The following CHD8 variants were observed in gnomAD, a reference collection of about 807,000 sequenced individuals.
CHD8 encodes chromodomain helicase DNA binding protein 8, also known as ATP-dependent chromatin remodeler CHD8.
CHD8 carries 31 observed loss-of-function variants against 279.2 expected under a neutral mutation model. The ratio of observed to expected loss-of-function variants is 0.11; its 90% CI spans 0.08 to 0.15. The LOEUF (loss-of-function observed/expected upper bound fraction) is 0.15. Ranked by LOEUF, CHD8 falls within the 10% of genes least tolerant of loss-of-function variation. The pLI is 1.00. For synonymous variants in CHD8, 1,081 were observed against 1,139.6 expected, an observed-to-expected ratio of 0.95 and a Z score of 1.04; for missense variants, 2,146 against 3,230.5, an observed-to-expected ratio of 0.66 and a Z score of 8.14.
chr14:21,395,385 C>T (rs913089861), intron 28 of CHD8, 33 bp from the exon 29 acceptor site: 9 of 1,531,974 alleles, frequency 5.9e-6, no homozygotes, highest in African/African-American at 2.7e-5. Context: ...TAGGATGGAG[C>T]GGGGAGGGAA....
intron 1 of CHD8, among the ~76,000 whole-genome samples, chr14:21,448,587 G>A (rs1890181187): frequency 6.6e-6 from 1 of 151,754 alleles, no homozygotes; most frequent in Non-Finnish European, 1.5e-5. Context: ...TTGAGACACC[G>A]TCTTAGTCAC....
At position 21,399,965 on chromosome 14, in the gene CHD8, T is replaced by C. The variant is rs74696621; in HGVS notation, c.4817+16A>G. On this transcript the variant is annotated intron_variant, in intron 25 of 37. Transcript: ENST00000646647. ...TAAGGTAGGGCATAAATCAAAAAAA[T>C]ATAGCAGAATTTTACCTGGCAATCG... 12 of 1,605,614 alleles carry C rather than the reference T, an allele frequency of 7.5e-6. No individual in the cohort carries two copies. The highest frequency in any genetic ancestry group is 2.2e-5 in the South Asian group (2 of 90,894).
In CHD8 at chr14:21,393,157, G is replaced by A; in HGVS notation, c.6417C>T (p.Thr2139=). Residue 2139 remains threonine (T), a synonymous_variant, in exon 33 of 38, where the codon ACC becomes ACT. Coordinates refer to ENST00000646647, the MANE Select transcript of CHD8 (RefSeq NM_001170629.2). ...TTTCCTGCAGTAGCAGAAGCTCAGGGGTCATTTGTTCTCCATCTTCATTTG... is the reference window on the plus strand; with the variant it reads ...TTTCCTGCAGTAGCAGAAGCTCAGGAGTCATTTGTTCTCCATCTTCATTTG... ...GFPNEDGEQM[T]PELLLLQERQ... is the part of the protein sequence containing the mutation. The A allele has an allele frequency of 6.2e-7, 1 of 1,613,910 alleles. No homozygotes were observed. The highest frequency in any genetic ancestry group is 1.3e-5 in the African/African-American group (1 of 75,028).
intron 3 of CHD8, 124 bp downstream of exon 3, chr14:21,428,840 A>G: frequency 1.3e-6 from 1 of 770,468 alleles, no homozygotes; most frequent in East Asian, 2.7e-5. Flanking sequence ...TTAAGTCTGC[A>G]CCTCAGTTCA....
Position 21,428,075 on chromosome 14 carries a change from T to C in CHD8, c.1395A>G (p.Val465=), listed in dbSNP as rs377698432. The stretch of plus-strand genomic sequence containing the variant: ...CACGGGCTCTCGCAATGGCCTCTGC[T>C]ACAATCCGATTTGCTTTCTCTTGCT... ...QKKQEKANRI[V]AEAIARARAR... Residue 465 remains valine (V), a synonymous_variant, in exon 4 of 38, where the codon GTA becomes GTG. Coordinates refer to ENST00000646647, the MANE Select transcript of CHD8 (RefSeq NM_001170629.2). 157 of 1,613,950 alleles carry C rather than the reference T, an allele frequency of 9.7e-5. No homozygotes were observed. The highest frequency in any genetic ancestry group is 1.3e-4 in the Non-Finnish European group (150 of 1,179,918).
chr14:21,386,832 G>A (rs1203048050), intron 37 of CHD8, among the ~76,000 whole-genome samples: 3 of 115,266 alleles, frequency 2.6e-5, no homozygotes, highest in East Asian at 2.3e-4. Context: ...GCGAGACTCC[G>A]TCTCAAAAAA....
chr14:21,401,896 A>C, intron 20 of CHD8, 61 bp downstream of exon 20: 3 of 1,465,856 alleles, frequency 2.0e-6, no homozygotes, highest in Non-Finnish European at 2.8e-6. Context: ...TAAAAACATA[A>C]TTAAATCCTA....
At chr14:21,441,828 G>A (rs972688513) in intron 1 of CHD8, among the ~76,000 whole-genome samples, 5 of 152,266 alleles carry the variant, frequency 3.3e-5, no homozygotes, top group South Asian at 4.1e-4. Flanking sequence ...GGCGGAGCTT[G>A]CAGTGAGCCA....
At chr14:21,399,924 C>A (rs996715406) in intron 25 of CHD8, 57 bp downstream of exon 25, 1 of 1,405,678 alleles carries the variant, frequency 7.1e-7, no homozygotes, top group African/African-American at 1.4e-5. Context: ...AATAAGCAAA[C>A]CAATCTTCCC....
chr14:21,441,055 G>T (rs1889947144), intron 1 of CHD8, among the ~76,000 whole-genome samples: 1 of 152,160 alleles, frequency 6.6e-6, no homozygotes, highest in Non-Finnish European at 1.5e-5. Context: ...TCCTAGCAAA[G>T]AGGAAGTATG....
Position 21,408,870 on chromosome 14 carries a change from A to G in CHD8, c.2365-45T>C. ...AATAAATGGAGTGGAGACATTATCA[A>G]AAGGTAAGACTTACTAGGTAAGTTC... On this transcript the variant is annotated intron_variant, in intron 11 of 37. Coordinates refer to ENST00000646647, the MANE Select transcript of CHD8 (RefSeq NM_001170629.2). This position sits in a 1 kb window ranked among gnomAD's most constrained non-coding sequence, Gnocchi z 4.3. The G allele has an allele frequency of 6.3e-7, 1 of 1,577,742 alleles. No individual in the cohort carries two copies. Among genetic ancestry groups the G allele is most frequent in the South Asian group, 1.2e-5 (1 of 85,910 alleles).
At position 21,408,970 on chromosome 14, in the gene CHD8, T is replaced by C. The variant is rs774085055; in HGVS notation, c.2365-145A>G. The C allele has an allele frequency of 1.3e-4, 113 of 889,198 alleles. 2 individuals carry two copies. Among genetic ancestry groups the C allele is most frequent in the Non-Finnish European group, 1.0e-4 (62 of 601,362 alleles). 55.1% of individuals were successfully genotyped at this position (889,198 alleles called of 1,614,324 possible). On this transcript the variant is annotated intron_variant, in intron 11 of 37. Transcript: ENST00000646647. This position sits in a 1 kb window ranked among gnomAD's most constrained non-coding sequence, Gnocchi z 4.3. Reference sequence around the variant, plus strand: ...AAATATATTTAAATTTATGAGTTCATAACGTTACTTTATGGGTCCATAATG... The same window carrying C: ...AAATATATTTAAATTTATGAGTTCACAACGTTACTTTATGGGTCCATAATG...
intron 26 of CHD8, chr14:21,398,169 C>G: frequency 3.3e-6 from 1 of 304,384 alleles, no homozygotes; most frequent in Non-Finnish European, 6.0e-6. Context: ...GACTGATAGC[C>G]TTAGGCTCCC....
chr14:21,400,898 C>T lies in CHD8; in HGVS notation c.4347G>A (p.Val1449=), dbSNP rs1289452403. 1.9e-6 allele frequency: 3 copies of T among 1,611,644 alleles called. No individual in the cohort carries two copies. Among genetic ancestry groups the T allele is most frequent in the South Asian group, 2.2e-5 (2 of 90,752 alleles). ...ACCCATATACCAGGAGATGCTTTTC[C>T]ACCCGAAAGCAGTCAGTGCGCCCAT... ...HAYGRTDCFR[V]EKHLLVYGWG... The change falls in exon 22 of 38, where the codon GTG becomes GTA. Residue 1449 remains valine (V), a synonymous_variant. Transcript: ENST00000646647. This position sits in a 1 kb window ranked among gnomAD's most constrained non-coding sequence, Gnocchi z 4.2.
rs370924726 is a variant in CHD8 at position 21,441,762 on chromosome 14, A to G, written c.-215-9904T>C. On this transcript the variant is annotated intron_variant, in intron 1 of 37. Coordinates refer to ENST00000646647, the MANE Select transcript of CHD8 (RefSeq NM_001170629.2). Reference sequence around the variant, plus strand: ...AAATTAGCTGGGCGTGGTGGTGGGCACCTGTAGTCCCAGCTACTAGGGAGG... The same window carrying G: ...AAATTAGCTGGGCGTGGTGGTGGGCGCCTGTAGTCCCAGCTACTAGGGAGG... Among the ~76,000 whole-genome samples, 1,052 of 152,164 alleles carry G rather than the reference A, an allele frequency of 6.9e-3. 4 individuals are homozygous for G. Among genetic ancestry groups the G allele is most frequent in the East Asian group, 0.016 (81 of 5,168 alleles).
At chr14:21,415,545 A>T (rs557343644) in intron 7 of CHD8, 29 bp downstream of exon 7, 124 of 1,117,596 alleles carry the variant, frequency 1.1e-4, no homozygotes, top group Admixed American at 4.2e-4. Context: ...AAATAAATAA[A>T]AATAATAATA....
At chr14:21,444,308 T>C (rs1890060426) in intron 1 of CHD8, among the ~76,000 whole-genome samples, 1 of 152,238 alleles carries the variant, frequency 6.6e-6, no homozygotes, top group Non-Finnish European at 1.5e-5. Flanking sequence ...CCTAGGATAC[T>C]GTAATGAGCC....
rs2139498988 is a variant in CHD8, at chr14:21,415,538, T to TA, written c.1968+35dup. The TA allele has an allele frequency of 2.9e-6, 3 of 1,048,734 alleles. 1 individual carries two copies. In the East Asian group the frequency reaches 9.7e-5, roughly 34 times the overall value. The allele number at this position is 1,048,734 out of a possible 1,614,324, so 65.0% of individuals were successfully genotyped here. On this transcript the variant is annotated intron_variant, in intron 7 of 37. Transcript: ENST00000646647. The stretch of plus-strand genomic sequence containing the variant: ...ATAAATAAATAAATAAATAAATAAA[T>TA]AAATAAAAATAATAATAATAATAAA...
chr14:21,432,063 C>T (rs1417631050), intron 1 of CHD8, among the ~76,000 whole-genome samples: 3 of 152,144 alleles, frequency 2.0e-5, no homozygotes, highest in Admixed American at 1.3e-4. Context: ...CAATAACAAC[C>T]TCCTCTTGGG....
Sources: gnomAD v4.1 joint callset for allele counts (sites outside exome capture counted in the v4.1 genomes callset) on GRCh38, gnomAD v4.1.1 for gene constraint, Gnocchi (gnomAD v3.1) non-coding constraint, MANE v1.5 for transcripts, NCBI Gene and HGNC (gene_info 2026-07-23, HGNC 2026-07-21) for gene names.